CLASP1: variants seen among roughly 807,000 people sequenced by gnomAD.
The protein encoded by CLASP1 is CLIP-associating protein 1.
CLASP1 carries 38 observed loss-of-function variants against 192.3 expected under a neutral mutation model. The ratio of observed to expected loss-of-function variants is 0.20; its 90% CI spans 0.15 to 0.26. The LOEUF is 0.26. Ranked by LOEUF, CLASP1 falls within the 10% of genes least tolerant of loss-of-function variation. CLASP1 has a pLI of 1.00. For missense variants in CLASP1, 1,433 were observed against 1,932.5 expected (o/e 0.74, Z 4.85); for synonymous variants, 691 against 712.8 (o/e 0.97, Z 0.49).
At chr2:121,546,961 C>T (rs2057500958) in intron 2 of CLASP1, among the ~76,000 whole-genome samples, 1 of 152,144 alleles carries the variant, frequency 6.6e-6, no homozygotes, top group Non-Finnish European at 1.5e-5. Flanking sequence ...CAGATCTGTG[C>T]CTTCCTGGGA....
chr2:121,479,650 CTT>C (rs1333278976), intron 8 of CLASP1, among the ~76,000 whole-genome samples: 2 of 152,134 alleles, frequency 1.3e-5, no homozygotes, highest in African/African-American at 4.8e-5. Flanking sequence ...TGGATAAAGA[CTT>C]TTTCTTCTAA....
At chr2:121,540,177 A>G (rs1045201499) in intron 2 of CLASP1, among the ~76,000 whole-genome samples, 2 of 152,218 alleles carry the variant, frequency 1.3e-5, no homozygotes, top group Non-Finnish European at 2.9e-5. Flanking sequence ...GTAGCCAAAA[A>G]CTAGAAATCC....
chr2:121,585,209 T>A (rs1319395258), intron 2 of CLASP1, among the ~76,000 whole-genome samples: 2 of 152,184 alleles, frequency 1.3e-5, no homozygotes, highest in Non-Finnish European at 2.9e-5. Context: ...AATTATAAAT[T>A]GCCTATTTTA....
chr2:121,562,924 C>T (rs2059212988), intron 2 of CLASP1, among the ~76,000 whole-genome samples: 1 of 152,110 alleles, frequency 6.6e-6, no homozygotes, highest in Non-Finnish European at 1.5e-5. Flanking sequence ...ATGTTATATG[C>T]ACACATCTTT....
At chr2:121,642,975 T>C (rs190750876) in intron 1 of CLASP1, among the ~76,000 whole-genome samples, 1 of 152,318 alleles carries the variant, frequency 6.6e-6, no homozygotes. Context: ...CAACTTTCCA[T>C]ATTATTGCTA....
chr2:121,357,400 G>A (rs1023769407), intron 37 of CLASP1, among the ~76,000 whole-genome samples: 1 of 152,008 alleles, frequency 6.6e-6, no homozygotes, highest in Admixed American at 6.6e-5. Context: ...TCAGCGCAGG[G>A]TATAAAACAC....
chr2:121,349,977 G>A (rs2064054097), intron 37 of CLASP1, among the ~76,000 whole-genome samples: 1 of 152,136 alleles, frequency 6.6e-6, no homozygotes, highest in Non-Finnish European at 1.5e-5. Context: ...TAAATGGTGA[G>A]CAGTACTCAA....
chr2:121,553,519 T>C (rs1304882828), intron 2 of CLASP1, among the ~76,000 whole-genome samples: 1 of 102 alleles, frequency 9.8e-3, no homozygotes, highest in Non-Finnish European at 0.018. Flanking sequence ...CTGGCCAACA[T>C]GGTGAAACCT....
At chr2:121,556,638 A>C (rs2058597243) in intron 2 of CLASP1, among the ~76,000 whole-genome samples, 1 of 152,204 alleles carries the variant, frequency 6.6e-6, no homozygotes. Context: ...CCTTCCCCTA[A>C]GTAACACATA....
chr2:121,441,196 G>A lies in CLASP1; in HGVS notation c.1912+6141C>T, dbSNP rs374154866. 5.3e-5 allele frequency among the ~76,000 whole-genome samples: 8 copies of A among 152,244 alleles called. No individual in the cohort carries two copies. In the South Asian group the frequency reaches 1.7e-3, roughly 32 times the overall value. On this transcript the variant is annotated intron_variant, in intron 19 of 39. Transcript: ENST00000263710. Reference sequence around the variant, plus strand: ...ACTAGGGTTTTTCTGTTCCCTACGTGTTTCAAATTTTCTAGCAAATTCCCA... The same window carrying A: ...ACTAGGGTTTTTCTGTTCCCTACGTATTTCAAATTTTCTAGCAAATTCCCA...
chr2:121,360,382 A>G (rs2066150983), intron 37 of CLASP1, among the ~76,000 whole-genome samples: 1 of 152,214 alleles, frequency 6.6e-6, no homozygotes, highest in African/African-American at 2.4e-5. Context: ...GAAACATTTC[A>G]GATCCTTTTC....
At chr2:121,554,007 A>G (rs1407575575) in intron 2 of CLASP1, among the ~76,000 whole-genome samples, 1 of 151,834 alleles carries the variant, frequency 6.6e-6, no homozygotes, top group Non-Finnish European at 1.5e-5. Flanking sequence ...TAAGCCCAGT[A>G]GTTCAAGATT....
rs184939592 is a variant in CLASP1, at chr2:121,553,249, T to A, written c.196-22924A>T. ...AAAGATAACTTTTGGGTACTGGGCT[T>A]AATACCTGGGTGATGAAATAATCTG... On this transcript the variant is annotated intron_variant, in intron 2 of 39. Coordinates refer to ENST00000263710, the Ensembl canonical transcript of CLASP1. Among the ~76,000 whole-genome samples the A allele has an allele frequency of 2.4e-3, 358 of 152,246 alleles. 2 individuals carry two copies. Among genetic ancestry groups the A allele is most frequent in the Middle Eastern group, 6.8e-3 (2 of 294 alleles).
intron 2 of CLASP1, chr2:121,603,090 T>C (rs1240435588): frequency 6.6e-6 from 1 of 151,966 alleles, no homozygotes; most frequent in Non-Finnish European, 1.5e-5. Flanking sequence ...CAGTAAAATT[T>C]AGCAGTGGGG....
chr2:121,571,606 G>C (rs2059983115), intron 2 of CLASP1, among the ~76,000 whole-genome samples: 1 of 152,120 alleles, frequency 6.6e-6, no homozygotes, highest in African/African-American at 2.4e-5. Context: ...AGTGGTATGG[G>C]AGCAAGCAAT....
chr2:121,525,414 A>T lies in CLASP1; in HGVS notation c.546+431T>A, dbSNP rs539489362. Among the ~76,000 whole-genome samples the T allele has an allele frequency of 1.3e-3, 195 of 152,134 alleles. 2 individuals are homozygous for T. Among genetic ancestry groups the T allele is most frequent in the South Asian group, 2.3e-3 (11 of 4,820 alleles). On this transcript the variant is annotated intron_variant, in intron 6 of 39. Coordinates refer to ENST00000263710, the Ensembl canonical transcript of CLASP1. ...ACAGTGGAGCCACCCCCCAAAGCAA[A>T]ATGTAGAACATTCCCATCACCTCAG...
chr2:121,410,993 G>A (rs761329022), intron 23 of CLASP1, 24 bp from the exon 25 acceptor site: 192 of 1,428,870 alleles, frequency 1.3e-4, no homozygotes, highest in Non-Finnish European at 7.5e-5. Context: ...AAAAGCAAAA[G>A]ATGTGTCACT....
intron 19 of CLASP1, among the ~76,000 whole-genome samples, chr2:121,440,096 TAAAAAAAA>T (rs535955256): frequency 6.6e-5 from 7 of 106,790 alleles, no homozygotes; most frequent in Non-Finnish European, 8.6e-5. Context: ...AAAAAAAAAC[TAAAAAAAA>T]AAAAAAAAAC....
chr2:121,511,601 A>AAAG (rs1553605474), intron 7 of CLASP1, among the ~76,000 whole-genome samples: 1 of 149,684 alleles, frequency 6.7e-6, no homozygotes, highest in Non-Finnish European at 1.5e-5. Context: ...AAAAAAAAAA[A>AAAG]AGAGAGAGAG....
Sources: gnomAD v4.1 joint callset for allele counts (sites outside exome capture counted in the v4.1 genomes callset) on GRCh38, gnomAD v4.1.1 for gene constraint, MANE v1.5 for transcripts, NCBI Gene and HGNC (gene_info 2026-07-23, HGNC 2026-07-21) for gene names.